TMEM178A: variants seen among roughly 807,000 people sequenced by gnomAD.
TMEM178A encodes transmembrane protein 178A.
In TMEM178A, 12 loss-of-function variants were observed where a neutral mutation model predicts 29.1. That is an observed-to-expected ratio of 0.41 (90% CI 0.26 to 0.67). TMEM178A has a LOEUF of 0.67. Among genes scored for constraint, TMEM178A ranks in the 30% least tolerant of loss-of-function variants. The pLI, the probability that TMEM178A is intolerant of heterozygous loss-of-function variation, is 0.29. For missense variants in TMEM178A, 366 were observed against 419.1 expected (o/e 0.87, Z 1.11); for synonymous variants, 210 against 187.2 (o/e 1.12, Z -0.99).
At chr2:39,668,215 G>A (rs1330664797) in intron 1 of TMEM178A, among the ~76,000 whole-genome samples, 1 of 152,196 alleles carries the variant, frequency 6.6e-6, no homozygotes, top group African/African-American at 2.4e-5. Context: ...CATTGAAGTT[G>A]AACATCTACT....
chr2:39,674,097 G>T (rs1191172059), intron 1 of TMEM178A, among the ~76,000 whole-genome samples: 1 of 152,176 alleles, frequency 6.6e-6, no homozygotes, highest in Non-Finnish European at 1.5e-5. Flanking sequence ...AAGTTTGGTT[G>T]AAGGAAGCTA....
At position 39,666,190 on chromosome 2, in the gene TMEM178A, G is replaced by T. The variant is rs1337099698; in HGVS notation, c.216G>T (p.Pro72=). 6.9e-7 allele frequency: 1 copy of T among 1,443,900 alleles called. No individual in the cohort carries two copies. The highest frequency in any genetic ancestry group is 9.1e-7 in the Non-Finnish European group (1 of 1,102,782). 89.4% of individuals were successfully genotyped at this position (1,443,900 alleles called of 1,614,324 possible). The change falls in exon 1 of 4, where the codon CCG becomes CCT. Residue 72 remains proline (P), a synonymous_variant. Coordinates refer to ENST00000281961, the MANE Select transcript of TMEM178A (RefSeq NM_152390.3). ...LSHLPLRDSP[P]LGRRLLPGGP... The stretch of plus-strand genomic sequence containing the variant: ...ACCTGCCGCTGCGGGACTCGCCCCC[G>T]CTGGGGCGCCGGCTGCTCCCGGGCG...
chr2:39,678,555 G>A (rs1670728618), intron 1 of TMEM178A, among the ~76,000 whole-genome samples: 1 of 152,134 alleles, frequency 6.6e-6, no homozygotes, highest in African/African-American at 2.4e-5. Flanking sequence ...AAAACAGGGA[G>A]GGGATAATAG....
intron 1 of TMEM178A, among the ~76,000 whole-genome samples, chr2:39,681,220 C>G (rs1481310678): frequency 6.6e-6 from 1 of 152,180 alleles, no homozygotes; most frequent in Non-Finnish European, 1.5e-5. Context: ...ACCTCTGATG[C>G]TTGATAGGAC....
intron 1 of TMEM178A, among the ~76,000 whole-genome samples, chr2:39,681,618 TTTTG>T (rs1024787602): frequency 6.6e-5 from 10 of 152,132 alleles, no homozygotes; most frequent in South Asian, 4.1e-4. Flanking sequence ...CTGTTGGGAT[TTTTG>T]TTTGTTTGTT....
At chr2:39,682,816 A>T (rs1196648533) in intron 1 of TMEM178A, among the ~76,000 whole-genome samples, 1 of 152,210 alleles carries the variant, frequency 6.6e-6, no homozygotes, top group South Asian at 2.1e-4. Context: ...GGACCTCAAG[A>T]GGGCTCAGAA....
At chr2:39,696,993 T>C (rs1671572219) in intron 1 of TMEM178A, among the ~76,000 whole-genome samples, 1 of 152,212 alleles carries the variant, frequency 6.6e-6, no homozygotes, top group African/African-American at 2.4e-5. Flanking sequence ...GTGTTCCTTT[T>C]CAGAGAGCCA....
chr2:39,665,704 G>T, upstream of TMEM178A: 3 of 317,200 alleles, frequency 9.5e-6, no homozygotes, highest in East Asian at 1.4e-4. Flanking sequence ...AGGGGGCTGG[G>T]GAAGAGGAGG....
chr2:39,717,160 T>G lies in TMEM178A; in HGVS notation c.803T>G (p.Ile268Ser). The change falls in exon 4 of 4, where the codon ATT becomes AGT. Residue 268 changes from isoleucine (I) to serine (S), a missense_variant. Coordinates refer to ENST00000281961, the MANE Select transcript of TMEM178A (RefSeq NM_152390.3). Reference protein sequence around the residue: ...IFCAWCSLGFIVAAGGLCIAY... With the variant: ...IFCAWCSLGFSVAAGGLCIAY... ...TGCGCCTGGTGCAGTTTAGGCTTTA[T>G]TGTGGCAGCTGGAGGTCTCTGCATC... 6.2e-7 allele frequency: 1 copy of G among 1,613,332 alleles called. No individual in the cohort carries two copies. The highest frequency in any genetic ancestry group is 8.5e-7 in the Non-Finnish European group (1 of 1,179,918).
chr2:39,672,650 C>A (rs1670453913), intron 1 of TMEM178A, among the ~76,000 whole-genome samples: 1 of 152,110 alleles, frequency 6.6e-6, no homozygotes, highest in Non-Finnish European at 1.5e-5. Flanking sequence ...TTCACCTCAG[C>A]CTCCCAAGTA....
downstream of TMEM178A, among the ~76,000 whole-genome samples, chr2:39,722,649 C>T (rs1672726416): frequency 6.6e-6 from 1 of 152,168 alleles, no homozygotes; most frequent in Non-Finnish European, 1.5e-5. Flanking sequence ...AGGCAGATGT[C>T]ACATACTGGC....
the TMEM178A span, among the ~76,000 whole-genome samples, chr2:39,731,346 T>C: frequency 6.6e-6 from 1 of 152,190 alleles, no homozygotes; most frequent in Non-Finnish European, 1.5e-5. Context: ...AAAAGTTGTT[T>C]ATTGAGCCCA....
downstream of TMEM178A, among the ~76,000 whole-genome samples, chr2:39,722,480 C>T (rs151127353): frequency 2.6e-5 from 4 of 152,274 alleles, no homozygotes; most frequent in East Asian, 1.9e-4. Flanking sequence ...AGCTGCCAGC[C>T]GATTCCTCTC....
At chr2:39,681,830 T>A (rs1243484362) in intron 1 of TMEM178A, among the ~76,000 whole-genome samples, 4 of 152,214 alleles carry the variant, frequency 2.6e-5, no homozygotes, top group Non-Finnish European at 4.4e-5. Context: ...GAAAGGAGCC[T>A]TGTTTCCTGA....
At chr2:39,705,156 C>G (rs185083958) in intron 2 of TMEM178A, among the ~76,000 whole-genome samples, 1 of 152,220 alleles carries the variant, frequency 6.6e-6, no homozygotes, top group African/African-American at 2.4e-5. Flanking sequence ...AGAACCTTAG[C>G]TCTTTAATAG....
chr2:39,706,084 G>C (rs989409486), intron 2 of TMEM178A, among the ~76,000 whole-genome samples: 4 of 152,214 alleles, frequency 2.6e-5, no homozygotes, highest in Non-Finnish European at 5.9e-5. Context: ...AAAATAGCTG[G>C]AAGGTAGGCA....
At chr2:39,690,343 C>A (rs73927034) in intron 1 of TMEM178A, among the ~76,000 whole-genome samples, 2,899 of 152,266 alleles carry the variant, frequency 0.019, 97 homozygotes, top group African/African-American at 0.066. Context: ...TGGTGTGTGC[C>A]TGCTCTTTCA....
chr2:39,735,874 C>G, the TMEM178A span, among the ~76,000 whole-genome samples: 1 of 152,220 alleles, frequency 6.6e-6, no homozygotes, highest in Admixed American at 6.5e-5. Context: ...ATGGGTGGAC[C>G]TGATACCAGG....
chr2:39,697,636 A>T (rs996667351), intron 1 of TMEM178A, among the ~76,000 whole-genome samples: 4 of 152,032 alleles, frequency 2.6e-5, no homozygotes, highest in African/African-American at 9.7e-5. Flanking sequence ...TGCTCTTTTC[A>T]TTTCAGAATT....
Sources: allele counts gnomAD v4.1 joint callset (sites outside exome capture counted in the v4.1 genomes callset), GRCh38; gene constraint gnomAD v4.1.1; transcripts MANE v1.5; gene names NCBI Gene and HGNC (gene_info 2026-07-23, HGNC 2026-07-21).